Variants in CPEB2 observed in about 807,000 individuals in gnomAD.
CPEB2 encodes the protein cytoplasmic polyadenylation element binding protein 2, also known as cytoplasmic polyadenylation element-binding protein 2.
In CPEB2, 56 loss-of-function variants were observed where a neutral mutation model predicts 93.6. The observed-to-expected ratio is 0.60, with a 90% CI of 0.48 to 0.75. The LOEUF (loss-of-function observed/expected upper bound fraction) is 0.75, where lower values mean the gene tolerates loss of function less well. Among genes scored for constraint, CPEB2 ranks in the 30% least tolerant of loss-of-function variants. CPEB2 has a pLI of 0.00. For missense variants in CPEB2, 1,579 were observed against 1,395.1 expected, an observed-to-expected ratio of 1.13 and a Z score of -2.10; for synonymous variants, 764 against 586.3, an observed-to-expected ratio of 1.30 and a Z score of -4.38.
chr4:15,020,748 C>T (rs1347386408), intron 4 of CPEB2, among the ~76,000 whole-genome samples: 1 of 152,142 alleles, frequency 6.6e-6, no homozygotes, highest in Non-Finnish European at 1.5e-5. Flanking sequence ...AGACACTGCA[C>T]GTTGTCGGAG....
rs761809536 is a variant in CPEB2, at chr4:15,007,583, A to C, written c.1941A>C (p.Leu647Phe). Reference sequence around the variant, plus strand: ...ACAATAGTAATACACTCTTACCCTTACAGGTAAGAATGGTATGTAAATGAC... The same window carrying C: ...ACAATAGTAATACACTCTTACCCTTCCAGGTAAGAATGGTATGTAAATGAC... ...TDNNSNTLLP[L>F]QVRSSLQLPA... The change falls in exon 2 of 12, where the codon TTA (leucine) becomes TTC (phenylalanine). Residue 647 changes from leucine to phenylalanine, a missense_variant. Leu to Phe is a conservative substitution (Grantham distance 22, BLOSUM62 0). Around this residue, in one of 2 missense-constraint regions of CPEB2, gnomAD observed 1,411 missense variants for 1,056.0 expected, o/e 1.34. Transcript: ENST00000538197. 1 of 1,557,600 alleles carries C rather than the reference A, an allele frequency of 6.4e-7. No individual in the cohort carries two copies. Among genetic ancestry groups the C allele is most frequent in the Non-Finnish European group, 8.7e-7 (1 of 1,145,174 alleles).
At chr4:15,053,761 T>A (rs1157160290) in intron 7 of CPEB2, among the ~76,000 whole-genome samples, 1 of 152,218 alleles carries the variant, frequency 6.6e-6, no homozygotes, top group Non-Finnish European at 1.5e-5. Flanking sequence ...AAAATGATTT[T>A]ATTTGTGAAG....
In CPEB2 at chr4:15,002,590, C is replaced by T. The variant is rs970448444; in HGVS notation, c.-84C>T. The T allele has an allele frequency of 1.7e-6, 2 of 1,190,316 alleles. No individual in the cohort carries two copies. Among genetic ancestry groups the T allele is most frequent in the Admixed American group, 5.8e-5 (2 of 34,548 alleles). The allele number at this position is 1,190,316 out of a possible 1,614,324, so 73.7% of individuals were successfully genotyped here. ...TCACTGACTCCCCCTCCTTCCACCA[C>T]GGCCGCGCAACCCCAGCGCCGGCGG... On this transcript the variant is annotated 5_prime_UTR_variant, in exon 1 of 12. It adds an upstream start codon to the 5' untranslated region. Transcript: ENST00000538197.
In CPEB2 at chr4:15,061,929, G is replaced by A. The variant is rs192969118; in HGVS notation, c.2696-150G>A. On this transcript the variant is annotated intron_variant, in intron 10 of 11. Transcript: ENST00000538197. ...TTTAAAAAAAGCATCCTCGATCCCC[G>A]TCCTTTTTTAACAACAGCCTCTTAT... The A allele has an allele frequency of 5.4e-4, 361 of 673,984 alleles. 3 individuals are homozygous for A. Among genetic ancestry groups the A allele is most frequent in the African/African-American group, 5.1e-3 (279 of 54,966 alleles). 41.8% of individuals were successfully genotyped at this position (673,984 alleles called of 1,614,324 possible). A position where few individuals can be genotyped will look rare whatever the true frequency, so the allele number is the denominator to read the frequency against.
chr4:15,060,712 A>G (rs2109102934), intron 10 of CPEB2, among the ~76,000 whole-genome samples: 1 of 152,222 alleles, frequency 6.6e-6, no homozygotes, highest in South Asian at 2.1e-4. Context: ...ACCATGGTAT[A>G]TGGTATATTT....
At chr4:15,049,102 T>G (rs11944152) in intron 6 of CPEB2, among the ~76,000 whole-genome samples, 8,005 of 152,156 alleles carry the variant, frequency 0.053, 235 homozygotes, top group Non-Finnish European at 0.07. Context: ...TTCGTTACAT[T>G]CTTTGTTTAG....
chr4:15,047,918 T>G (rs539282063), intron 6 of CPEB2, among the ~76,000 whole-genome samples: 1 of 151,664 alleles, frequency 6.6e-6, no homozygotes, highest in South Asian at 2.1e-4. Context: ...GTTGTGGTTT[T>G]TTTTTTTTTA....
intron 1 of CPEB2, among the ~76,000 whole-genome samples, chr4:15,005,817 A>G (rs1577355117): frequency 6.6e-6 from 1 of 152,292 alleles, no homozygotes; most frequent in East Asian, 1.9e-4. Flanking sequence ...GGGATTTTGA[A>G]ATAATGTTCC....
intron 5 of CPEB2, among the ~76,000 whole-genome samples, chr4:15,039,835 T>C (rs1418514755): frequency 6.6e-6 from 1 of 152,288 alleles, no homozygotes; most frequent in East Asian, 1.9e-4. Context: ...ATAGCTGTTA[T>C]AACATATATT....
intron 6 of CPEB2, 119 bp from the exon 7 acceptor site, chr4:15,052,295 T>G: frequency 1.6e-6 from 1 of 635,970 alleles, no homozygotes; most frequent in South Asian, 4.5e-5. Flanking sequence ...CTCTTAATTT[T>G]TATGTTCACC....
intron 4 of CPEB2, 91 bp from the exon 5 acceptor site, chr4:15,033,070 A>T: frequency 1.2e-6 from 1 of 825,604 alleles, no homozygotes; most frequent in Non-Finnish European, 2.0e-6. Flanking sequence ...TTTTCTCTTT[A>T]TGCTGCCTTT....
At chr4:15,015,799 G>GT (rs1724067136) in intron 3 of CPEB2, among the ~76,000 whole-genome samples, 2 of 152,034 alleles carry the variant, frequency 1.3e-5, no homozygotes, top group South Asian at 4.2e-4. Flanking sequence ...TTCATATGCT[G>GT]TTTTTTTCCA....
intron 1 of CPEB2, among the ~76,000 whole-genome samples, chr4:15,005,597 C>T (rs1351541916): frequency 6.6e-6 from 1 of 152,162 alleles, no homozygotes; most frequent in Non-Finnish European, 1.5e-5. Context: ...TAAGGATTGA[C>T]AGAGACGCAA....
At chr4:15,032,392 T>G (rs138790783) in intron 4 of CPEB2, among the ~76,000 whole-genome samples, 3 of 152,332 alleles carry the variant, frequency 2.0e-5, no homozygotes, top group African/African-American at 7.2e-5. Flanking sequence ...CAAATAAGTG[T>G]TATGATGTAA....
chr4:15,057,431 T>C (rs1326030724), intron 8 of CPEB2, among the ~76,000 whole-genome samples: 4 of 152,162 alleles, frequency 2.6e-5, no homozygotes, highest in African/African-American at 9.7e-5. Context: ...GACCTTACAT[T>C]TCCCATTATA....
At chr4:15,051,015 T>C (rs892998041) in intron 6 of CPEB2, among the ~76,000 whole-genome samples, 76 of 152,244 alleles carry the variant, frequency 5.0e-4, no homozygotes, top group African/African-American at 1.5e-3. Flanking sequence ...TCCTTTCTTA[T>C]ACCAGTTTCT....
At chr4:15,058,357 T>G (rs1560253535) in intron 8 of CPEB2, 64 bp from the exon 9 acceptor site, 1 of 871,528 alleles carries the variant, frequency 1.1e-6, no homozygotes. Flanking sequence ...TTCTAAATAG[T>G]ACTGAAATTT....
chr4:15,007,462 T>A lies in CPEB2; in HGVS notation c.1820T>A (p.Phe607Tyr). 1 of 1,614,156 alleles carries A rather than the reference T, an allele frequency of 6.2e-7. No individual in the cohort carries two copies. The highest frequency in any genetic ancestry group is 8.5e-7 in the Non-Finnish European group (1 of 1,180,018). Residue 607 changes from phenylalanine (F) to tyrosine (Y), a missense_variant, in exon 2 of 12, where the codon TTT becomes TAT. Physicochemically the swap from Phe to Tyr is conservative, Grantham distance 22. Coordinates refer to ENST00000538197, the MANE Select transcript of CPEB2 (RefSeq NM_001177382.2). Reference protein sequence around the residue: ...MNQISPLKKPFSGNVIAPPKF... With the variant: ...MNQISPLKKPYSGNVIAPPKF... ...CAGATATCTCCATTGAAGAAACCGT[T>A]TTCTGGTAATGTCATAGCACCACCG...
At chr4:15,044,631 C>A (rs1727486955) in intron 6 of CPEB2, among the ~76,000 whole-genome samples, 1 of 152,074 alleles carries the variant, frequency 6.6e-6, no homozygotes, top group African/African-American at 2.4e-5. Flanking sequence ...ATTATGGTGC[C>A]TTTCTCAGTT....
Sources: gnomAD v4.1 joint callset for allele counts (sites outside exome capture counted in the v4.1 genomes callset) on GRCh38, gnomAD v4.1.1 for gene constraint, gnomAD v4.1.1 regional missense constraint, MANE v1.5 for transcripts, NCBI Gene and HGNC (gene_info 2026-07-23, HGNC 2026-07-21) for gene names.